HNRNPUL1: variants seen among roughly 807,000 people sequenced by gnomAD.
HNRNPUL1 encodes heterogeneous nuclear ribonucleoprotein U like 1, also known as heterogeneous nuclear ribonucleoprotein U-like protein 1.
Under a neutral mutation model 108.5 loss-of-function variants are expected in HNRNPUL1, and 14 were observed. The ratio of observed to expected loss-of-function variants is 0.13; its 90% CI spans 0.09 to 0.20. The LOEUF is 0.20. HNRNPUL1 is among the 10% of genes least tolerant of loss of function. The pLI is 1.00. For synonymous variants in HNRNPUL1, 422 were observed against 445.2 expected (o/e 0.95, Z 0.66); for missense variants, 804 against 1,168.3 (o/e 0.69, Z 4.55).
rs561249323 is a variant in HNRNPUL1, at chr19:41,297,188, C to G, written c.1518+2502C>G. 9.2e-5 allele frequency among the ~76,000 whole-genome samples: 14 copies of G among 152,282 alleles called. No homozygotes were observed. In the East Asian group the frequency reaches 2.7e-3, roughly 29 times the overall value. On this transcript the variant is annotated intron_variant, in intron 10 of 14. Transcript: ENST00000392006. ...AGGAAGCTGAAGCCTCTGCAGAGGA[C>G]TATAGGACTGCTAAGTCACGCACTC...
Position 41,282,177 on chromosome 19 carries a change from T to TTTTA in HNRNPUL1, c.999+918_999+921dup, listed in dbSNP as rs576777367. On this transcript the variant is annotated intron_variant, in intron 7 of 14. Transcript: ENST00000392006. ...TACACATGTACTCTTCCTTCTTCTTTTTTATTTATTTATTTATTTTTGAGA... is the reference window on the plus strand; with the variant it reads ...TACACATGTACTCTTCCTTCTTCTTTTTTATTTATTTATTTATTTATTTTTGAGA... 5.4e-4 allele frequency among the ~76,000 whole-genome samples: 82 copies of TTTTA among 152,264 alleles called. 1 individual carries two copies. In the East Asian group the frequency reaches 0.011, roughly 21 times the overall value.
At chr19:41,285,807 C>T (rs528835752) in intron 7 of HNRNPUL1, among the ~76,000 whole-genome samples, 2 of 152,084 alleles carry the variant, frequency 1.3e-5, no homozygotes, top group African/African-American at 4.8e-5. Flanking sequence ...GACCCTTGAA[C>T]TTTGCAGGGA....
intron 11 of HNRNPUL1, among the ~76,000 whole-genome samples, chr19:41,301,955 C>T (rs999482754): frequency 6.6e-6 from 1 of 152,182 alleles, no homozygotes; most frequent in Non-Finnish European, 1.5e-5. Flanking sequence ...GGAGCTAAAG[C>T]TGAAAGTCCT....
chr19:41,282,855 A>G (rs1599799775), intron 7 of HNRNPUL1, among the ~76,000 whole-genome samples: 1 of 150,344 alleles, frequency 6.7e-6, no homozygotes, highest in African/African-American at 2.4e-5. Context: ...ACGCCCGGCT[A>G]ATTTTTTGTA....
upstream of HNRNPUL1, chr19:41,262,991 G>C (rs1291392386): frequency 1.5e-5 from 2 of 133,350 alleles, no homozygotes; most frequent in Non-Finnish European, 3.1e-5. Context: ...GGTGAGCTGA[G>C]ATAGAGGCCC....
In HNRNPUL1 at chr19:41,268,324, C is replaced by G; in HGVS notation, c.397C>G (p.Gln133Glu). 1.2e-6 allele frequency: 2 copies of G among 1,613,730 alleles called. No homozygotes were observed. The highest frequency in any genetic ancestry group is 8.5e-7 in the Non-Finnish European group (1 of 1,179,838). ...GYERRPLEME[Q>E]QQAYRPEMKT... ...CGAGAGGAGACCACTGGAAATGGAG[C>G]AGCAGCAGGCCTATCGTCCAGGTAG... is the stretch of plus-strand genomic sequence containing the variant. The change falls in exon 2 of 15, where the codon CAG (glutamine) becomes GAG (glutamate). Residue 133 changes from glutamine (Q) to glutamate (E), a missense_variant. Physicochemically the swap from Gln to Glu is conservative, Grantham distance 29. Coordinates refer to ENST00000392006, the MANE Select transcript of HNRNPUL1 (RefSeq NM_007040.6).
At chr19:41,302,550 A>T in intron 11 of HNRNPUL1, 115 bp from the exon 12 acceptor site, 1 of 1,297,238 alleles carries the variant, frequency 7.7e-7, no homozygotes, top group Non-Finnish European at 1.1e-6. Flanking sequence ...TCACTATTCC[A>T]GTTTTCTTCA....
In HNRNPUL1 at chr19:41,281,282, G is replaced by A. The variant is rs2122647322; in HGVS notation, c.999+7G>A. 6.3e-7 allele frequency: 1 copy of A among 1,590,568 alleles called. No individual in the cohort carries two copies. Among genetic ancestry groups the A allele is most frequent in the Non-Finnish European group, 8.6e-7 (1 of 1,158,672 alleles). On this transcript the variant is annotated splice_region_variant and intron_variant, in intron 7 of 14. Transcript: ENST00000392006. Reference sequence around the variant, plus strand: ...TGTGATTGGCTGCTTTGCGGTGAGTGCTAGCAGCCTGTGGGAGTTGGCAGA... The same window carrying A: ...TGTGATTGGCTGCTTTGCGGTGAGTACTAGCAGCCTGTGGGAGTTGGCAGA...
chr19:41,277,126 A>G (rs2035613078), intron 5 of HNRNPUL1, among the ~76,000 whole-genome samples: 1 of 152,024 alleles, frequency 6.6e-6, no homozygotes. Context: ...ACAAAAACAA[A>G]AAAAACAAAA....
chr19:41,268,200 G>A (rs1369165275), intron 1 of HNRNPUL1, 23 bp from the exon 2 acceptor site: 4 of 1,610,078 alleles, frequency 2.5e-6, no homozygotes, highest in African/African-American at 1.3e-5. Context: ...CCTCTAATTG[G>A]CCATTTTTAA....
intron 6 of HNRNPUL1, among the ~76,000 whole-genome samples, chr19:41,279,734 C>T (rs376340810): frequency 4.6e-5 from 7 of 152,154 alleles, no homozygotes; most frequent in Admixed American, 3.3e-4. Context: ...ATCATACAAA[C>T]GTTCCAATTA....
chr19:41,274,712 C>G lies in HNRNPUL1; in HGVS notation c.646+657C>G, dbSNP rs374639960. ...TTTTACATGCACCCAGAAGCCCAAT[C>G]AGGTCTGAGAACACTGCACTTCTCA... On this transcript the variant is annotated intron_variant, in intron 4 of 14. Transcript: ENST00000392006. Among the ~76,000 whole-genome samples, 44 of 152,342 alleles carry G rather than the reference C, an allele frequency of 2.9e-4. No homozygotes were observed. The East Asian group carries it at 3.3e-3, about 11-fold the overall frequency.
At chr19:41,303,095 G>A (rs377366686) in intron 12 of HNRNPUL1, 146 bp downstream of exon 12, 49 of 933,134 alleles carry the variant, frequency 5.3e-5, no homozygotes, top group African/African-American at 1.6e-4. Context: ...AGTCAGACAC[G>A]GAGACCTCAG....
intron 7 of HNRNPUL1, chr19:41,291,997 A>AAAAC (rs2036609266): frequency 2.0e-6 from 1 of 510,164 alleles, no homozygotes; most frequent in African/African-American, 2.0e-5. Flanking sequence ...AAAAAAACAA[A>AAAAC]AAAAAAAAAC....
chr19:41,281,249 G>C lies in HNRNPUL1; in HGVS notation c.973G>C (p.Glu325Gln). 1 of 1,613,982 alleles carries C rather than the reference G, an allele frequency of 6.2e-7. No individual in the cohort carries two copies. Among genetic ancestry groups the C allele is most frequent in the South Asian group, 1.1e-5 (1 of 91,064 alleles). ...RFENYGDKFA[E>Q]NDVIGCFADF... ...TGAAAACTACGGAGACAAGTTTGCA[G>C]AGAACGATGTGATTGGCTGCTTTGC... The change falls in exon 7 of 15, where the codon GAG becomes CAG. Residue 325 changes from glutamate (E) to glutamine (Q), a missense_variant. By Grantham distance (29) the Glu-to-Gln change is conservative. Around this residue, in one of 4 missense-constraint regions of HNRNPUL1, gnomAD observed 174 missense variants for 296.6 expected, o/e 0.59. Coordinates refer to ENST00000392006, the MANE Select transcript of HNRNPUL1 (RefSeq NM_007040.6).
intron 13 of HNRNPUL1, 24 bp from the exon 14 acceptor site, chr19:41,305,652 G>C: frequency 6.2e-7 from 1 of 1,613,894 alleles, no homozygotes; most frequent in Non-Finnish European, 8.5e-7. Context: ...ACAGAGCTTT[G>C]GCTTTTTTCC....
chr19:41,280,838 G>T, intron 6 of HNRNPUL1: 1 of 267,702 alleles, frequency 3.7e-6, no homozygotes. Context: ...ACAAGGAAGG[G>T]TTGCATCTCA....
At chr19:41,279,769 A>C (rs1047705458) in intron 6 of HNRNPUL1, among the ~76,000 whole-genome samples, 1 of 152,256 alleles carries the variant, frequency 6.6e-6, no homozygotes, top group Non-Finnish European at 1.5e-5. Flanking sequence ...GTTGCGTATA[A>C]GAATTCAGGC....
At position 41,294,692 on chromosome 19, in the gene HNRNPUL1, T is replaced by A. The variant is rs755949815; in HGVS notation, c.1518+6T>A. 6 of 1,614,126 alleles carry A rather than the reference T, an allele frequency of 3.7e-6. No individual in the cohort carries two copies. Among genetic ancestry groups the A allele is most frequent in the Non-Finnish European group, 5.1e-6 (6 of 1,180,024 alleles). On this transcript the variant is annotated splice_donor_region_variant and intron_variant, in intron 10 of 14. Transcript: ENST00000392006. The surrounding 1 kb of genome is among the most constrained non-coding windows in gnomAD (Gnocchi z 4.3). ...GCAACTATATCCTAGATCAGGTACT[T>A]AATGATGACCATTGTGTCCTCAGGA... is the stretch of plus-strand genomic sequence containing the variant.
Sources: gnomAD v4.1 joint callset for allele counts (sites outside exome capture counted in the v4.1 genomes callset) on GRCh38, gnomAD v4.1.1 for gene constraint, gnomAD v4.1.1 regional missense constraint, Gnocchi (gnomAD v3.1) non-coding constraint, MANE v1.5 for transcripts, NCBI Gene and HGNC (gene_info 2026-07-23, HGNC 2026-07-21) for gene names.